Variants in CPNE3 observed in about 807,000 individuals in gnomAD.
CPNE3 encodes the protein copine-3.
Under a neutral mutation model 63.9 loss-of-function variants are expected in CPNE3, and 68 were observed. The observed-to-expected ratio is 1.06, with a 90% CI of 0.87 to 1.30. The LOEUF (loss-of-function observed/expected upper bound fraction) is 1.30. Among genes scored for constraint, CPNE3 ranks in the 50% most tolerant of loss-of-function variants. The pLI is 0.00. For missense variants in CPNE3, 665 were observed against 578.1 expected (o/e 1.15, Z -1.54); for synonymous variants, 219 against 197.5 (o/e 1.11, Z -0.91).
intron 15 of CPNE3, 77 bp from the exon 16 acceptor site, chr8:86,556,025 T>G: frequency 1.3e-6 from 1 of 785,652 alleles, no homozygotes; most frequent in Non-Finnish European, 2.3e-6. Flanking sequence ...CAAGAAAGAC[T>G]GGATGACTCA....
At chr8:86,523,931 CA>C (rs1182075063) in intron 2 of CPNE3, among the ~76,000 whole-genome samples, 1 of 152,118 alleles carries the variant, frequency 6.6e-6, no homozygotes, top group East Asian at 1.9e-4. Context: ...GGTAGCTGTT[CA>C]GGTAGATTAG....
At chr8:86,558,152 G>T in intron 16 of CPNE3, 136 bp from the exon 17 acceptor site, 1 of 634,490 alleles carries the variant, frequency 1.6e-6, no homozygotes, top group Non-Finnish European at 2.8e-6. Flanking sequence ...TTCATGGGCG[G>T]TTCCTAAGAA....
chr8:86,537,740 C>A, intron 7 of CPNE3, 94 bp downstream of exon 7: 1 of 781,556 alleles, frequency 1.3e-6, no homozygotes, highest in Non-Finnish European at 2.2e-6. Flanking sequence ...AAGTATCAAT[C>A]TGAGTTCATA....
chr8:86,543,452 TA>T (rs1820984495), intron 8 of CPNE3, among the ~76,000 whole-genome samples: 1 of 152,108 alleles, frequency 6.6e-6, no homozygotes, highest in South Asian at 2.1e-4. Context: ...CAAGTAAACA[TA>T]AAAAATCCTG....
At chr8:86,551,778 T>C (rs1563699833) in intron 14 of CPNE3, among the ~76,000 whole-genome samples, 1 of 152,178 alleles carries the variant, frequency 6.6e-6, no homozygotes, top group Non-Finnish European at 1.5e-5. Context: ...TTCCTCTGTG[T>C]AGAGAGCAGG....
intron 12 of CPNE3, 98 bp from the exon 13 acceptor site, chr8:86,550,948 C>G: frequency 8.3e-7 from 1 of 1,211,398 alleles, no homozygotes; most frequent in South Asian, 1.8e-5. Flanking sequence ...TATCTTCATA[C>G]TTTTTGAAAT....
In CPNE3 at chr8:86,527,774, C is replaced by A. The variant is rs533447705; in HGVS notation, c.-10-762C>A. On this transcript the variant is annotated intron_variant, in intron 2 of 16. Coordinates refer to ENST00000517490, the MANE Select transcript of CPNE3 (RefSeq NM_003909.5). ...GGCTTTGGGGGCTTTTGGTTTTAGT[C>A]AAAAAATCTTGAAAACAGAAAATAT... 2.6e-5 allele frequency among the ~76,000 whole-genome samples: 4 copies of A among 151,274 alleles called. No homozygotes were observed. In the South Asian group the frequency reaches 6.3e-4, roughly 24 times the overall value.
At chr8:86,548,516 T>C in intron 12 of CPNE3, 82 bp downstream of exon 12, 1 of 1,538,606 alleles carries the variant, frequency 6.5e-7, no homozygotes, top group Non-Finnish European at 8.9e-7. Flanking sequence ...GCTAGCACTC[T>C]GATATAGGTG....
At chr8:86,550,809 A>G (rs1821156879) in intron 12 of CPNE3, among the ~76,000 whole-genome samples, 1 of 152,132 alleles carries the variant, frequency 6.6e-6, no homozygotes, top group Non-Finnish European at 1.5e-5. Context: ...ATGCATGTAA[A>G]CTCCATTTCT....
At chr8:86,520,031 T>A (rs1049994453) in intron 2 of CPNE3, among the ~76,000 whole-genome samples, 13 of 151,966 alleles carry the variant, frequency 8.6e-5, no homozygotes, top group African/African-American at 2.9e-4. Context: ...GCTTTTTTGA[T>A]AGAGATGGAG....
Position 86,528,645 on chromosome 8 carries a change from T to G in CPNE3, c.100T>G (p.Phe34Val). Residue 34 changes from phenylalanine to valine, a missense_variant, in exon 3 of 17, where the codon TTT (phenylalanine) becomes GTT (valine). Phe to Val is a conservative substitution (Grantham distance 50). Coordinates refer to ENST00000517490, the MANE Select transcript of CPNE3 (RefSeq NM_003909.5). ...GSKSDPLCVL[F>V]LNTSGQQWYE... is the part of the protein sequence containing the mutation. ...AAAGTCAGACCCTTTATGTGTGTTGTTTTTGAATACAAGTGGTCAACAGTG... is the reference window on the plus strand; with the variant it reads ...AAAGTCAGACCCTTTATGTGTGTTGGTTTTGAATACAAGTGGTCAACAGTG... 1 of 1,613,038 alleles carries G rather than the reference T, an allele frequency of 6.2e-7. No homozygotes were observed. Among genetic ancestry groups the G allele is most frequent in the Non-Finnish European group, 8.5e-7 (1 of 1,179,410 alleles).
chr8:86,558,523 T>A lies in CPNE3; in HGVS notation c.*113T>A, dbSNP rs1821372044. 2 of 793,870 alleles carry A rather than the reference T, an allele frequency of 2.5e-6. No individual in the cohort carries two copies. Among genetic ancestry groups the A allele is most frequent in the African/African-American group, 3.4e-5 (2 of 59,688 alleles). 49.2% of individuals were successfully genotyped at this position (793,870 alleles called of 1,614,324 possible). A position where few individuals can be genotyped will look rare whatever the true frequency, so the allele number is the denominator to read the frequency against. On this transcript the variant is annotated 3_prime_UTR_variant, in exon 17 of 17. Transcript: ENST00000517490. ...CCCCAGCATTTATGATGTAAATCTC[T>A]TTCTCTATGGATTATATCTGTTTAA...
chr8:86,552,345 T>A (rs1415780195), intron 14 of CPNE3, among the ~76,000 whole-genome samples: 1 of 152,200 alleles, frequency 6.6e-6, no homozygotes, highest in African/African-American at 2.4e-5. Flanking sequence ...TTGAGGCACT[T>A]TCAGTGACTG....
At chr8:86,539,549 C>G (rs778964086) in intron 7 of CPNE3, among the ~76,000 whole-genome samples, 1 of 151,822 alleles carries the variant, frequency 6.6e-6, no homozygotes, top group Non-Finnish European at 1.5e-5. Context: ...TTCTCCAATT[C>G]AATTCCAACA....
intron 2 of CPNE3, among the ~76,000 whole-genome samples, chr8:86,521,982 A>G (rs72690444): frequency 6.6e-5 from 10 of 152,154 alleles, no homozygotes; most frequent in Non-Finnish European, 1.5e-4. Flanking sequence ...GTAAAAAAAA[A>G]CAAAATCTGT....
At chr8:86,541,120 A>G (rs6471380) in intron 8 of CPNE3, among the ~76,000 whole-genome samples, 152,247 of 152,320 alleles carry the variant, frequency 1, 76,087 homozygotes, top group Middle Eastern at 1. Context: ...TTCTGATAAT[A>G]AATATGGTAA....
chr8:86,557,630 A>G (rs1282596842), intron 16 of CPNE3, among the ~76,000 whole-genome samples: 1 of 152,154 alleles, frequency 6.6e-6, no homozygotes, highest in Non-Finnish European at 1.5e-5. Flanking sequence ...ATTATAAAGT[A>G]GTAATGTTAG....
chr8:86,549,248 T>G (rs1445634151), intron 12 of CPNE3, among the ~76,000 whole-genome samples: 1 of 152,194 alleles, frequency 6.6e-6, no homozygotes, highest in Non-Finnish European at 1.5e-5. Flanking sequence ...AAGGTGGCAA[T>G]TCCAATTTCA....
intron 6 of CPNE3, among the ~76,000 whole-genome samples, chr8:86,536,786 C>G (rs1820811990): frequency 6.6e-6 from 1 of 152,100 alleles, no homozygotes; most frequent in Non-Finnish European, 1.5e-5. Flanking sequence ...CATAGTCTTA[C>G]CACCTGAGTT....
Sources: gnomAD v4.1 joint callset for allele counts (sites outside exome capture counted in the v4.1 genomes callset) on GRCh38, gnomAD v4.1.1 for gene constraint, MANE v1.5 for transcripts, NCBI Gene and HGNC (gene_info 2026-07-23, HGNC 2026-07-21) for gene names.